Variants in ARHGEF18 observed in about 807,000 individuals in gnomAD.
The protein encoded by ARHGEF18 is rho guanine nucleotide exchange factor 18.
ARHGEF18 carries 93 observed loss-of-function variants against 155.7 expected under a neutral mutation model. That is an observed-to-expected ratio of 0.60 (90% CI 0.50 to 0.71). The LOEUF (loss-of-function observed/expected upper bound fraction) is 0.71, where lower values mean the gene tolerates loss of function less well. Among genes scored for constraint, ARHGEF18 ranks in the 30% least tolerant of loss-of-function variants. The pLI is 0.00. For missense variants in ARHGEF18, 1,593 were observed against 1,816.1 expected, an observed-to-expected ratio of 0.88 and a Z score of 2.23; for synonymous variants, 742 against 753.1, an observed-to-expected ratio of 0.99 and a Z score of 0.24.
At chr19:7,373,669 T>C (rs1970307035) in intron 3 of ARHGEF18, among the ~76,000 whole-genome samples, 1 of 149,684 alleles carries the variant, frequency 6.7e-6, no homozygotes, top group Non-Finnish European at 1.5e-5. Context: ...AGAGACGGGG[T>C]TTCACCATGT....
chr19:7,397,498 C>T (rs930442510), intron 10 of ARHGEF18, among the ~76,000 whole-genome samples: 3 of 149,170 alleles, frequency 2.0e-5, no homozygotes, highest in Non-Finnish European at 4.5e-5. Flanking sequence ...TTGGGAGGCC[C>T]GGGGGGGGGC....
chr19:7,467,849 C>T (rs969526926), intron 26 of ARHGEF18, among the ~76,000 whole-genome samples, 165 bp downstream of exon 26: 1 of 152,206 alleles, frequency 6.6e-6, no homozygotes, highest in Non-Finnish European at 1.5e-5. Flanking sequence ...GCAGTACAGA[C>T]CTTTCTCGGA....
chr19:7,453,285 G>T (rs1975609912), intron 16 of ARHGEF18, among the ~76,000 whole-genome samples, 182 bp from the exon 17 acceptor site: 1 of 146,110 alleles, frequency 6.8e-6, no homozygotes, highest in Non-Finnish European at 1.5e-5. Flanking sequence ...GATTACATTT[G>T]GGAAGTGATC....
intron 10 of ARHGEF18, among the ~76,000 whole-genome samples, chr19:7,435,556 G>C (rs760596585): frequency 6.6e-6 from 1 of 152,132 alleles, no homozygotes; most frequent in African/African-American, 2.4e-5. Flanking sequence ...CGGGACCGTG[G>C]CCAGGAGTGT....
At chr19:7,376,579 C>A in intron 4 of ARHGEF18, 64 bp from the exon 5 acceptor site, 1 of 1,116,874 alleles carries the variant, frequency 9.0e-7, no homozygotes, top group Non-Finnish European at 1.1e-6. Flanking sequence ...GCCCCTCAAT[C>A]CAGGGAACCT....
chr19:7,373,733 C>T (rs1310551229), intron 3 of ARHGEF18, among the ~76,000 whole-genome samples: 3 of 151,834 alleles, frequency 2.0e-5, no homozygotes, highest in South Asian at 4.1e-4. Flanking sequence ...CTCAGCCTCC[C>T]AAAGTGCTGG....
intron 6 of ARHGEF18, among the ~76,000 whole-genome samples, chr19:7,378,901 C>A (rs902060169): frequency 6.6e-6 from 1 of 151,938 alleles, no homozygotes; most frequent in African/African-American, 2.4e-5. Flanking sequence ...CCATGTTGGC[C>A]AGGCTGGTCT....
At chr19:7,352,863 C>G (rs112955095) in intron 1 of ARHGEF18, among the ~76,000 whole-genome samples, 98,635 of 107,266 alleles carry the variant, frequency 0.92, 45,384 homozygotes, top group Non-Finnish European at 0.95. Context: ...TTGACATAGA[C>G]TCTTGCTCTG....
At chr19:7,419,926 C>A (rs890371757) in intron 10 of ARHGEF18, among the ~76,000 whole-genome samples, 3 of 148,436 alleles carry the variant, frequency 2.0e-5, no homozygotes, top group African/African-American at 7.7e-5. Flanking sequence ...CACCCACACT[C>A]GGCCTCTGTA....
At chr19:7,351,431 C>T (rs1215398215) in intron 1 of ARHGEF18, among the ~76,000 whole-genome samples, 2 of 151,828 alleles carry the variant, frequency 1.3e-5, no homozygotes, top group African/African-American at 4.8e-5. Context: ...TCACGCCATT[C>T]TCCTGCCTCA....
In ARHGEF18 at chr19:7,438,289, C is replaced by T. The variant is rs534784438; in HGVS notation, c.968-2055C>T. 4.0e-5 allele frequency among the ~76,000 whole-genome samples: 6 copies of T among 150,100 alleles called. No homozygotes were observed. The South Asian group carries it at 1.3e-3, about 32-fold the overall frequency. The stretch of plus-strand genomic sequence containing the variant: ...GCTATTTTTTTATTTTGTGTAGAGA[C>T]GGGGTCTTGCTATGTTTCCCAGGCT... On this transcript the variant is annotated intron_variant, in intron 10 of 28. Transcript: ENST00000668164.
At position 7,469,087 on chromosome 19, in the gene ARHGEF18, A is replaced by G. The variant is rs202210137; in HGVS notation, c.3743A>G (p.Asp1248Gly). Reference sequence around the variant, plus strand: ...GCGGCCTCCACCAAGGGTGGCAAGGACAAGGGCGGCAAGAGCAGGGGCTCT... The same window carrying G: ...GCGGCCTCCACCAAGGGTGGCAAGGGCAAGGGCGGCAAGAGCAGGGGCTCT... ...KLAASTKGGK[D>G]KGGKSRGSQR... Residue 1248 changes from aspartate (D) to glycine (G), a missense_variant, in exon 27 of 29, where the codon GAC becomes GGC. Coordinates refer to ENST00000668164, the MANE Select transcript of ARHGEF18 (RefSeq NM_001367823.1). 9 of 1,609,348 alleles carry G rather than the reference A, an allele frequency of 5.6e-6. No homozygotes were observed. Among genetic ancestry groups the G allele is most frequent in the Non-Finnish European group, 6.8e-6 (8 of 1,178,884 alleles).
intron 10 of ARHGEF18, among the ~76,000 whole-genome samples, chr19:7,386,669 G>A (rs775333607): frequency 4.6e-5 from 7 of 152,176 alleles, no homozygotes; most frequent in South Asian, 2.1e-4. Context: ...TGCTTGAAGT[G>A]GAGGTAGAAG....
At chr19:7,460,329 G>A (rs1976136127) in intron 20 of ARHGEF18, among the ~76,000 whole-genome samples, 1 of 152,040 alleles carries the variant, frequency 6.6e-6, no homozygotes, top group Admixed American at 6.6e-5. Context: ...AGTCCCATAC[G>A]AAGGAATAGC....
At chr19:7,372,579 G>C (rs921906140) in intron 2 of ARHGEF18, among the ~76,000 whole-genome samples, 1 of 152,194 alleles carries the variant, frequency 6.6e-6, no homozygotes, top group Non-Finnish European at 1.5e-5. Context: ...CCAGACTTCT[G>C]GTCCTTTTGT....
In ARHGEF18 at chr19:7,468,531, C is replaced by G. The variant is rs984763405; in HGVS notation, c.3481-294C>G. On this transcript the variant is annotated intron_variant, in intron 26 of 28. Coordinates refer to ENST00000668164, the MANE Select transcript of ARHGEF18 (RefSeq NM_001367823.1). ...TCTAGCCTGGGTGACAGAGCAAGAC[C>G]GTGTCTCTGAAAACAAATCTATAAA... 3.9e-5 allele frequency among the ~76,000 whole-genome samples: 6 copies of G among 152,172 alleles called. 1 individual carries two copies. In the South Asian group the frequency reaches 8.3e-4, roughly 21 times the overall value.
In ARHGEF18 at chr19:7,440,621, C is replaced by T; in HGVS notation, c.1106+139C>T. On this transcript the variant is annotated intron_variant, in intron 11 of 28. Coordinates refer to ENST00000668164, the MANE Select transcript of ARHGEF18 (RefSeq NM_001367823.1). This position sits in a 1 kb window ranked among gnomAD's most constrained non-coding sequence, Gnocchi z 5.4. ...GCCCCCGTGCTAAGCAGAGAAATTC[C>T]CATTAACGCTTGCTTCCAGGATCCA... 8.4e-7 allele frequency: 1 copy of T among 1,190,644 alleles called. No individual in the cohort carries two copies. The highest frequency in any genetic ancestry group is 1.1e-6 in the Non-Finnish European group (1 of 876,130). 73.8% of individuals were successfully genotyped at this position (1,190,644 alleles called of 1,614,324 possible). A position where few individuals can be genotyped will look rare whatever the true frequency, so the allele number is the denominator to read the frequency against.
At chr19:7,450,050 C>T (rs993008533) in intron 15 of ARHGEF18, among the ~76,000 whole-genome samples, 1 of 151,996 alleles carries the variant, frequency 6.6e-6, no homozygotes, top group Non-Finnish European at 1.5e-5. Context: ...TCCAAAGTGG[C>T]AAAGGAAAGG....
chr19:7,415,503 C>T (rs952151567), intron 10 of ARHGEF18, among the ~76,000 whole-genome samples: 2 of 152,110 alleles, frequency 1.3e-5, no homozygotes, highest in African/African-American at 4.8e-5. Context: ...TCCAATCCTC[C>T]ACATAAACCT....
Sources: allele counts gnomAD v4.1 joint callset (sites outside exome capture counted in the v4.1 genomes callset), GRCh38; gene constraint gnomAD v4.1.1; non-coding constraint Gnocchi (gnomAD v3.1); transcripts MANE v1.5; gene names NCBI Gene and HGNC (gene_info 2026-07-23, HGNC 2026-07-21).